Variants in SLC39A10 observed in about 807,000 individuals in gnomAD.
The protein encoded by SLC39A10 is zinc transporter ZIP10.
In SLC39A10, 13 loss-of-function variants were observed where a neutral mutation model predicts 65.1. That is an observed-to-expected ratio of 0.20 (90% CI 0.13 to 0.32). The LOEUF (loss-of-function observed/expected upper bound fraction) is 0.32, where lower values mean the gene tolerates loss of function less well. Among genes scored for constraint, SLC39A10 ranks in the 10% least tolerant of loss-of-function variants. The pLI is 1.00. For missense variants in SLC39A10, 831 were observed against 1,018.4 expected (o/e 0.82, Z 2.50); for synonymous variants, 321 against 342.2 (o/e 0.94, Z 0.68).
At chr2:195,668,885 C>T (rs1689741714) in intron 1 of SLC39A10, among the ~76,000 whole-genome samples, 1 of 152,016 alleles carries the variant, frequency 6.6e-6, no homozygotes, top group African/African-American at 2.4e-5. Flanking sequence ...GAGTTCAAGA[C>T]CAACCTGGCC....
At position 195,683,680 on chromosome 2, in the gene SLC39A10, T is replaced by C. The variant is rs755358692; in HGVS notation, c.1009-19T>C. 1 of 1,596,336 alleles carries C rather than the reference T, an allele frequency of 6.3e-7. No homozygotes were observed. Among genetic ancestry groups the C allele is most frequent in the East Asian group, 2.2e-5 (1 of 44,708 alleles). The stretch of plus-strand genomic sequence containing the variant: ...TTAAAGACACTCTTATTTAATTTGT[T>C]TTATCACTTTCCTTGCAGTGTTTGA... On this transcript the variant is annotated intron_variant, in intron 2 of 9. Transcript: ENST00000359634.
chr2:195,620,328 G>A (rs1317670690), intron 2 of SLC39A10, among the ~76,000 whole-genome samples: 1 of 152,166 alleles, frequency 6.6e-6, no homozygotes, highest in Non-Finnish European at 1.5e-5. Context: ...GTATATTTGA[G>A]TTAGCCTGGA....
intron 3 of SLC39A10, among the ~76,000 whole-genome samples, chr2:195,696,319 G>A (rs1247244369): frequency 9.9e-5 from 14 of 140,938 alleles, no homozygotes; most frequent in South Asian, 2.3e-4. Context: ...TTTTATTTCT[G>A]AAAAAAAAAA....
In SLC39A10 at chr2:195,737,542, CTTTTG is replaced by C. The variant is rs752494033; in HGVS notation, c.*2511_*2515del. 64 of 170,902 alleles carry C rather than the reference CTTTTG, an allele frequency of 3.7e-4. No individual in the cohort carries two copies. Among genetic ancestry groups the C allele is most frequent in the Non-Finnish European group, 6.0e-4 (47 of 78,936 alleles). 10.6% of individuals were successfully genotyped at this position (170,902 alleles called of 1,614,324 possible). A position where few individuals can be genotyped will look rare whatever the true frequency, so the allele number is the denominator to read the frequency against. On this transcript the variant is annotated 3_prime_UTR_variant, in exon 10 of 10. Coordinates refer to ENST00000359634, the MANE Select transcript of SLC39A10 (RefSeq NM_020342.3). ...GGTGATTCTTGCTAAAATATCTAAA[CTTTTG>C]TTTTGTTTTAACTGAATCATTTTTT... is the stretch of plus-strand genomic sequence containing the variant.
intron 1 of SLC39A10, among the ~76,000 whole-genome samples, chr2:195,662,614 T>A (rs562331952): frequency 2.0e-5 from 3 of 152,306 alleles, no homozygotes; most frequent in African/African-American, 7.2e-5. Context: ...AAGAAACAAT[T>A]TCAGATATTC....
chr2:195,639,213 A>G (rs1688754444), intron 2 of SLC39A10, among the ~76,000 whole-genome samples: 1 of 152,140 alleles, frequency 6.6e-6, no homozygotes, highest in Non-Finnish European at 1.5e-5. Flanking sequence ...TGGCCTCCCA[A>G]AGTGTTGGGA....
intron 2 of SLC39A10, among the ~76,000 whole-genome samples, chr2:195,646,211 G>A (rs1487923412): frequency 6.6e-6 from 1 of 152,168 alleles, no homozygotes; most frequent in Non-Finnish European, 1.5e-5. Flanking sequence ...CTCCCAAAGT[G>A]TTGGGATTAC....
Position 195,677,462 on chromosome 2 carries a change from A to G in SLC39A10, c.-11-2570A>G, listed in dbSNP as rs79548685. On this transcript the variant is annotated intron_variant, in intron 1 of 9. Coordinates refer to ENST00000359634, the MANE Select transcript of SLC39A10 (RefSeq NM_020342.3). ...GGTGGGAAGATCTCTTGTGCCTGGA[A>G]GTTTAAGGCTCCAGTGAGCTATGAT... is the stretch of plus-strand genomic sequence containing the variant. Among the ~76,000 whole-genome samples the G allele has an allele frequency of 1.0e-2, 1,519 of 152,232 alleles. 35 individuals are homozygous for G. The highest frequency in any genetic ancestry group is 0.071 in the East Asian group (366 of 5,178).
At chr2:195,697,677 A>G (rs2105797405) in intron 3 of SLC39A10, among the ~76,000 whole-genome samples, 1 of 151,928 alleles carries the variant, frequency 6.6e-6, no homozygotes, top group South Asian at 2.1e-4. Flanking sequence ...AGTTATGCAT[A>G]TGACAAAGCT....
At chr2:195,614,246 A>C (rs1688159726) in intron 2 of SLC39A10, among the ~76,000 whole-genome samples, 1 of 152,234 alleles carries the variant, frequency 6.6e-6, no homozygotes, top group South Asian at 2.1e-4. Context: ...GCTGCTTAAA[A>C]GTCTTCAACT....
intron 7 of SLC39A10, chr2:195,717,312 A>G (rs1056396050): frequency 2.2e-5 from 5 of 225,820 alleles, no homozygotes; most frequent in Non-Finnish European, 4.3e-5. Context: ...ACATATCCCT[A>G]AAAGAGAACA....
rs761654626 is a variant in SLC39A10 at position 195,680,085 on chromosome 2, C to T, written c.43C>T (p.Leu15=). 68 of 1,604,636 alleles carry T rather than the reference C, an allele frequency of 4.2e-5. No homozygotes were observed. The highest frequency in any genetic ancestry group is 4.0e-5 in the Non-Finnish European group (47 of 1,177,722). Residue 15 remains leucine, a synonymous_variant, in exon 2 of 10, where the codon CTG becomes TTG. Transcript: ENST00000359634. ...MHTKFCLICL[L]TFIFHHCNHC... ...CACAAAATTTTGCCTCATTTGTTTG[C>T]TGACATTTATTTTTCATCATTGCAA...
At chr2:195,678,215 C>A (rs762576918) in intron 1 of SLC39A10, among the ~76,000 whole-genome samples, 1 of 152,202 alleles carries the variant, frequency 6.6e-6, no homozygotes, top group East Asian at 1.9e-4. Context: ...TCAGAAGATA[C>A]AATCTCTAAT....
intron 1 of SLC39A10, among the ~76,000 whole-genome samples, chr2:195,670,111 A>T (rs1256039827): frequency 6.6e-6 from 1 of 152,194 alleles, no homozygotes; most frequent in Non-Finnish European, 1.5e-5. Flanking sequence ...GTGAGCGGAG[A>T]TCATGCCACT....
At chr2:195,642,082 A>G (rs554141884) in intron 2 of SLC39A10, among the ~76,000 whole-genome samples, 18 of 152,220 alleles carry the variant, frequency 1.2e-4, no homozygotes, top group Admixed American at 2.6e-4. Flanking sequence ...TGTCAGCGAA[A>G]TTGTTTAACC....
intron 2 of SLC39A10, among the ~76,000 whole-genome samples, chr2:195,620,270 G>A (rs992163406): frequency 7.9e-5 from 12 of 152,118 alleles, no homozygotes; most frequent in African/African-American, 2.9e-4. Context: ...CATTCAAAGA[G>A]CAACCAAGAT....
chr2:195,622,972 C>CAAAAAAAAA (rs11440347), intron 2 of SLC39A10, among the ~76,000 whole-genome samples: 1 of 96,874 alleles, frequency 1.0e-5, no homozygotes, highest in African/African-American at 4.2e-5. Flanking sequence ...ACTCCTGTCT[C>CAAAAAAAAA]AAAAAAAAAA....
intron 2 of SLC39A10, among the ~76,000 whole-genome samples, chr2:195,641,767 C>G (rs1688815934): frequency 6.6e-6 from 1 of 150,792 alleles, no homozygotes; most frequent in Non-Finnish European, 1.5e-5. Flanking sequence ...TCTCTGCTCA[C>G]TGCAACCTCC....
intron 2 of SLC39A10, among the ~76,000 whole-genome samples, chr2:195,626,068 G>A (rs1053218940): frequency 3.3e-5 from 5 of 152,164 alleles, no homozygotes; most frequent in African/African-American, 1.2e-4. Context: ...ATAGAAGTGA[G>A]CCACTGTGCC....
Sources: gnomAD v4.1 joint callset for allele counts (sites outside exome capture counted in the v4.1 genomes callset) on GRCh38, gnomAD v4.1.1 for gene constraint, MANE v1.5 for transcripts, NCBI Gene and HGNC (gene_info 2026-07-23, HGNC 2026-07-21) for gene names.